Variants in LRPPRC observed in about 807,000 individuals in gnomAD.
LRPPRC encodes leucine rich pentatricopeptide repeat containing.
Under a neutral mutation model 180.3 loss-of-function variants are expected in LRPPRC, and 120 were observed. The observed-to-expected ratio is 0.67, with a 90% CI of 0.57 to 0.77. The LOEUF is 0.77. Among genes scored for constraint, LRPPRC ranks in the 30% least tolerant of loss-of-function variants. The probability of loss-of-function intolerance (pLI) is 0.00; values close to 1 mark genes in which losing one functional copy is unlikely to be tolerated. For synonymous variants in LRPPRC, 723 were observed against 600.0 expected (o/e 1.21, Z -3.00); for missense variants, 2,012 against 1,657.2 (o/e 1.21, Z -3.72).
Position 43,946,196 on chromosome 2 carries a change from C to T in LRPPRC, c.2127G>A (p.Met709Ile). The T allele has an allele frequency of 4.3e-6, 7 of 1,610,972 alleles. No homozygotes were observed. Among genetic ancestry groups the T allele is most frequent in the South Asian group, 1.1e-5 (1 of 91,014 alleles). ...TTAAAGCTGCATAGCCACCAGTAAC[C>T]ATGTCGGATTCATATTTTGCTTTCA... ...LELKAKYESD[M>I]VTGGYAALIN... Residue 709 changes from methionine to isoleucine, a missense_variant, in exon 21 of 38, where the codon ATG becomes ATA. By Grantham distance (10) the Met-to-Ile change is conservative (BLOSUM62 1). Transcript: ENST00000260665.
At chr2:43,955,068 T>C (rs1003189001) in intron 14 of LRPPRC, among the ~76,000 whole-genome samples, 9 of 152,168 alleles carry the variant, frequency 5.9e-5, no homozygotes, top group Non-Finnish European at 1.2e-4. Context: ...GGGAAAGTAC[T>C]TCATGAACTC....
intron 22 of LRPPRC, 113 bp downstream of exon 22, chr2:43,945,219 A>C: frequency 1.3e-6 from 1 of 764,472 alleles, no homozygotes; most frequent in Non-Finnish European, 2.3e-6. Context: ...GCAAATTTCT[A>C]TGCAAAGTGT....
intron 36 of LRPPRC, among the ~76,000 whole-genome samples, chr2:43,893,337 T>A (rs1670562477): frequency 6.6e-6 from 1 of 152,184 alleles, no homozygotes; most frequent in African/African-American, 2.4e-5. Flanking sequence ...GCAGATAAAA[T>A]GCTAACAAAC....
intron 36 of LRPPRC, among the ~76,000 whole-genome samples, chr2:43,893,304 C>T (rs564984932): frequency 1.3e-5 from 2 of 152,224 alleles, no homozygotes; most frequent in South Asian, 4.2e-4. Flanking sequence ...AGATTGATTC[C>T]AATTTTGAAA....
At chr2:43,898,392 C>T (rs1670763925) in intron 34 of LRPPRC, among the ~76,000 whole-genome samples, 1 of 152,148 alleles carries the variant, frequency 6.6e-6, no homozygotes, top group Non-Finnish European at 1.5e-5. Flanking sequence ...ATACTATTTA[C>T]GATCAGAAAT....
At chr2:43,994,610 C>G (rs543587199) in intron 1 of LRPPRC, among the ~76,000 whole-genome samples, 1 of 152,198 alleles carries the variant, frequency 6.6e-6, no homozygotes, top group African/African-American at 2.4e-5. Flanking sequence ...GCAGTCTGGG[C>G]CCAGCCTACT....
Position 43,974,764 on chromosome 2 carries a change from G to T in LRPPRC, c.865-6C>A. On this transcript the variant is annotated splice_region_variant and splice_polypyrimidine_tract_variant and intron_variant, in intron 7 of 37. Transcript: ENST00000260665. Reference sequence around the variant, plus strand: ...TTCTCCACCTTCTCCAGAGTCTATAGAGAGTTCCAGAAATTAGAAGACAAA... The same window carrying T: ...TTCTCCACCTTCTCCAGAGTCTATATAGAGTTCCAGAAATTAGAAGACAAA... 1 of 1,612,586 alleles carries T rather than the reference G, an allele frequency of 6.2e-7. No individual in the cohort carries two copies. Among genetic ancestry groups the T allele is most frequent in the East Asian group, 2.2e-5 (1 of 44,828 alleles).
chr2:43,957,526 A>G (rs1673168469), intron 13 of LRPPRC, 75 bp from the exon 14 acceptor site: 13 of 1,031,806 alleles, frequency 1.3e-5, no homozygotes, highest in Non-Finnish European at 1.8e-5. Flanking sequence ...AATTGAAAAC[A>G]TATTTATACC....
intron 27 of LRPPRC, among the ~76,000 whole-genome samples, chr2:43,919,932 A>C (rs998378264): frequency 6.6e-6 from 1 of 152,050 alleles, no homozygotes; most frequent in African/African-American, 2.4e-5. Context: ...TTTTAGAGGA[A>C]AAATACTAAA....
At chr2:43,913,059 C>T (rs2105014200) in intron 29 of LRPPRC, among the ~76,000 whole-genome samples, 1 of 152,186 alleles carries the variant, frequency 6.6e-6, no homozygotes, top group Non-Finnish European at 1.5e-5. Flanking sequence ...AGAATATAGC[C>T]TATAATTCTA....
At chr2:43,889,079 G>A (rs1308926467) in intron 37 of LRPPRC, among the ~76,000 whole-genome samples, 1 of 152,106 alleles carries the variant, frequency 6.6e-6, no homozygotes, top group Non-Finnish European at 1.5e-5. Flanking sequence ...CACTTTGGGA[G>A]GCCGAGGTGG....
At chr2:43,970,130 T>G (rs1280151343) in intron 11 of LRPPRC, among the ~76,000 whole-genome samples, 1 of 152,238 alleles carries the variant, frequency 6.6e-6, no homozygotes, top group Non-Finnish European at 1.5e-5. Flanking sequence ...AGATTCTTAT[T>G]CTTACAGGAA....
chr2:43,970,968 C>T (rs1378401383), intron 11 of LRPPRC, among the ~76,000 whole-genome samples: 3 of 152,026 alleles, frequency 2.0e-5, no homozygotes, highest in Non-Finnish European at 4.4e-5. Flanking sequence ...GGTGCAGTGA[C>T]GCATGCCTGT....
chr2:43,984,938 T>C (rs1043910682), intron 1 of LRPPRC, among the ~76,000 whole-genome samples: 3 of 152,172 alleles, frequency 2.0e-5, no homozygotes, highest in African/African-American at 4.8e-5. Context: ...AAATTACCCA[T>C]AAATGTTTTC....
chr2:43,969,825 C>G (rs891064207), intron 11 of LRPPRC, among the ~76,000 whole-genome samples: 1 of 151,972 alleles, frequency 6.6e-6, no homozygotes. Context: ...TAGGAGTATG[C>G]CACCTCGCTC....
At chr2:43,930,002 ACT>A (rs1450045263) in intron 25 of LRPPRC, among the ~76,000 whole-genome samples, 1 of 152,080 alleles carries the variant, frequency 6.6e-6, no homozygotes, top group Non-Finnish European at 1.5e-5. Context: ...TCTAAAATCC[ACT>A]GTCTGTGTAT....
chr2:43,944,755 AATTTT>A (rs1368815127), intron 22 of LRPPRC, among the ~76,000 whole-genome samples: 4 of 152,102 alleles, frequency 2.6e-5, no homozygotes, highest in Admixed American at 2.6e-4. Flanking sequence ...AAGTGTAATT[AATTTT>A]ATTAGGCTTA....
intron 9 of LRPPRC, 110 bp from the exon 10 acceptor site, chr2:43,974,010 T>C: frequency 4.3e-6 from 5 of 1,151,970 alleles, no homozygotes; most frequent in South Asian, 3.7e-5. Flanking sequence ...CCGCATCCTC[T>C]TTCTACCCAA....
intron 19 of LRPPRC, 56 bp from the exon 20 acceptor site, chr2:43,947,426 C>A: frequency 1.2e-6 from 1 of 823,718 alleles, no homozygotes; most frequent in Non-Finnish European, 2.1e-6. Context: ...TATAGTATGC[C>A]TTTTGTCACT....
Sources: gnomAD v4.1 joint callset for allele counts (sites outside exome capture counted in the v4.1 genomes callset) on GRCh38, gnomAD v4.1.1 for gene constraint, MANE v1.5 for transcripts, NCBI Gene and HGNC (gene_info 2026-07-23, HGNC 2026-07-21) for gene names.